The following AFF2 variants were observed in gnomAD, a reference collection of about 807,000 sequenced individuals.
The protein encoded by AFF2 is AF4/FMR2 family member 2.
AFF2 carries 14 observed loss-of-function variants against 76.9 expected under a neutral mutation model. The ratio of observed to expected loss-of-function variants is 0.18; its 90% CI spans 0.12 to 0.28. AFF2 has a LOEUF of 0.28. AFF2 is among the 10% of genes least tolerant of loss of function. The pLI is 1.00. For synonymous variants in AFF2, 398 were observed against 366.7 expected (o/e 1.09, Z -0.98); for missense variants, 868 against 1,001.1 (o/e 0.87, Z 1.79).
At position 148,699,985 on chromosome X, in the gene AFF2, T is replaced by A. The variant is rs1366579725; in HGVS notation, c.1041+37217T>A. Reference sequence around the variant, plus strand: ...ATGCATTTCACCTGAAGGTTACATATCGTTTTACAAATGGGATGTGATTTC... The same window carrying A: ...ATGCATTTCACCTGAAGGTTACATAACGTTTTACAAATGGGATGTGATTTC... On this transcript the variant is annotated intron_variant, in intron 3 of 20. Transcript: ENST00000370460. Among the ~76,000 whole-genome samples the A allele has an allele frequency of 2.7e-5, 3 of 111,867 alleles. No homozygotes were observed. The East Asian group carries it at 8.4e-4, about 31-fold the overall frequency.
chrX:148,658,608 A>T (rs1308076453), intron 2 of AFF2, among the ~76,000 whole-genome samples: 5 of 112,517 alleles, frequency 4.4e-5, no homozygotes, highest in African/African-American at 1.6e-4. Context: ...AAAGTGTTAC[A>T]TTGCTCAAGT....
chrX:148,669,556 A>G (rs1229900261), intron 3 of AFF2, among the ~76,000 whole-genome samples: 2 of 111,657 alleles, frequency 1.8e-5, no homozygotes, highest in African/African-American at 6.5e-5. Flanking sequence ...AGACAAGAGA[A>G]GAGAGCTTGT....
At chrX:148,592,597 T>C (rs1338320123) in intron 1 of AFF2, among the ~76,000 whole-genome samples, 5 of 111,989 alleles carry the variant, frequency 4.5e-5, no homozygotes, top group African/African-American at 9.8e-5. Flanking sequence ...TTTCCCTGAA[T>C]ATATGATGAC....
intron 20 of AFF2, among the ~76,000 whole-genome samples, chrX:148,989,139 A>G (rs781931410): frequency 7.1e-5 from 8 of 112,239 alleles, no homozygotes; most frequent in African/African-American, 2.6e-4. Context: ...GGCCTATACA[A>G]CCAGACTCAT....
intron 3 of AFF2, among the ~76,000 whole-genome samples, chrX:148,797,949 G>C (rs960036841): frequency 8.9e-6 from 1 of 111,945 alleles, no homozygotes; most frequent in Admixed American, 9.5e-5. Flanking sequence ...TTGTCTACTC[G>C]TCTATAGTAT....
In AFF2 at chrX:148,611,427, C is replaced by T. The variant is rs150422195; in HGVS notation, c.48-40572C>T. On this transcript the variant is annotated intron_variant, in intron 1 of 20. Transcript: ENST00000370460. ...CCATGGCTGCTGTAACAAATCATCA[C>T]ACACTTAGTGGCTTAACACAACACA... Among the ~76,000 whole-genome samples the T allele has an allele frequency of 5.0e-4, 56 of 112,142 alleles. No individual in the cohort carries two copies. In the East Asian group the frequency reaches 0.014, roughly 28 times the overall value.
chrX:148,667,045 A>G (rs953122223), intron 3 of AFF2, among the ~76,000 whole-genome samples: 1 of 112,332 alleles, frequency 8.9e-6, no homozygotes. Context: ...GTAGAGTGTC[A>G]TATCCCTAAA....
At position 148,732,264 on chromosome X, in the gene AFF2, G is replaced by A. The variant is rs1303193378; in HGVS notation, c.1041+69496G>A. 5.2e-5 allele frequency among the ~76,000 whole-genome samples: 5 copies of A among 96,059 alleles called. 1 individual carries two copies. The highest frequency in any genetic ancestry group is 1.2e-4 in the African/African-American group (3 of 24,725). The allele number at this position is 96,059 out of a possible 115,157, so 83.4% of individuals were successfully genotyped here. A position where few individuals can be genotyped will look rare whatever the true frequency, so the allele number is the denominator to read the frequency against. On this transcript the variant is annotated intron_variant, in intron 3 of 20. Coordinates refer to ENST00000370460, the MANE Select transcript of AFF2 (RefSeq NM_002025.4). Reference sequence around the variant, plus strand: ...CAGCCATAAAAAATGATGAGTTCACGTCCTTTGTAGGGACATGGATGAAAT... The same window carrying A: ...CAGCCATAAAAAATGATGAGTTCACATCCTTTGTAGGGACATGGATGAAAT...
At chrX:148,794,911 AG>A (rs1411187671) in intron 3 of AFF2, among the ~76,000 whole-genome samples, 1 of 111,758 alleles carries the variant, frequency 8.9e-6, no homozygotes, top group Admixed American at 9.5e-5. Context: ...CCAAAAACCC[AG>A]GGGCTAGTCT....
chrX:148,751,971 C>T (rs1429288020), intron 3 of AFF2, among the ~76,000 whole-genome samples: 1 of 111,668 alleles, frequency 9.0e-6, no homozygotes, highest in African/African-American at 3.3e-5. Context: ...CTCTTACATT[C>T]TTAGTATCTT....
chrX:148,525,544 A>T (rs2124229132), intron 1 of AFF2, among the ~76,000 whole-genome samples: 1 of 111,978 alleles, frequency 8.9e-6, no homozygotes, highest in South Asian at 3.7e-4. Flanking sequence ...AATAACCAGA[A>T]TAGAAGACTT....
In AFF2 at chrX:148,701,828, A is replaced by T. The variant is rs976284128; in HGVS notation, c.1041+39060A>T. ...TGTGAAATTTGCCATCTCTGCCGTG[A>T]TCAACCCATGAAATTTATCATCTGT... On this transcript the variant is annotated intron_variant, in intron 3 of 20. Coordinates refer to ENST00000370460, the MANE Select transcript of AFF2 (RefSeq NM_002025.4). 3.6e-5 allele frequency among the ~76,000 whole-genome samples: 4 copies of T among 111,860 alleles called. No homozygotes were observed. In the Admixed American group the frequency reaches 3.8e-4, roughly 11 times the overall value.
intron 7 of AFF2, among the ~76,000 whole-genome samples, chrX:148,882,826 G>C (rs782328139): frequency 8.9e-6 from 1 of 111,984 alleles, no homozygotes; most frequent in Non-Finnish European, 1.9e-5. Context: ...TAATAGGTCA[G>C]GGAAGAAGTG....
At chrX:148,545,388 T>C (rs1557238011) in intron 1 of AFF2, among the ~76,000 whole-genome samples, 1 of 112,177 alleles carries the variant, frequency 8.9e-6, no homozygotes, top group African/African-American at 3.2e-5. Flanking sequence ...CCTTCAGAGT[T>C]GGGTACAGGA....
At chrX:148,564,361 T>C (rs1416267337) in intron 1 of AFF2, among the ~76,000 whole-genome samples, 1 of 110,207 alleles carries the variant, frequency 9.1e-6, no homozygotes, top group Admixed American at 9.7e-5. Context: ...AAAATGCCTA[T>C]GTAATTGTAG....
chrX:148,656,057 C>T (rs1557257042), intron 2 of AFF2, among the ~76,000 whole-genome samples: 1 of 111,921 alleles, frequency 8.9e-6, no homozygotes. Context: ...TCTCTAGGAC[C>T]TATTATCCTT....
chrX:148,780,788 C>T lies in AFF2; in HGVS notation c.1042-29088C>T, dbSNP rs374390624. ...CTTATTCTTTGTCCAGTTTTGTTCC[C>T]TTGCTGGCGAGGAGTTGTGATCCTT... On this transcript the variant is annotated intron_variant, in intron 3 of 20. Coordinates refer to ENST00000370460, the MANE Select transcript of AFF2 (RefSeq NM_002025.4). Among the ~76,000 whole-genome samples, 34 of 111,773 alleles carry T rather than the reference C, an allele frequency of 3.0e-4. No homozygotes were observed. The East Asian group carries it at 8.1e-3, about 27-fold the overall frequency.
At chrX:148,843,326 A>C in intron 6 of AFF2, 56 bp from the exon 7 acceptor site, 2 of 1,037,230 alleles carry the variant, frequency 1.9e-6, no homozygotes, top group Non-Finnish European at 2.7e-6. Context: ...TTAATTCAGA[A>C]TAATCATTTG....
chrX:148,785,898 A>C (rs955519890), intron 3 of AFF2, among the ~76,000 whole-genome samples: 11 of 111,905 alleles, frequency 9.8e-5, no homozygotes, highest in Non-Finnish European at 1.5e-4. Context: ...GGCCTCATAC[A>C]GGTAGAAGCA....
Sources: allele counts gnomAD v4.1 joint callset (sites outside exome capture counted in the v4.1 genomes callset), GRCh38; gene constraint gnomAD v4.1.1; transcripts MANE v1.5; gene names NCBI Gene and HGNC (gene_info 2026-07-23, HGNC 2026-07-21).